The following DCUN1D4 variants were observed in gnomAD, a reference collection of about 807,000 sequenced individuals.
The protein encoded by DCUN1D4 is DCN1-like protein 4.
In DCUN1D4, 22 loss-of-function variants were observed where a neutral mutation model predicts 47.9. That is an observed-to-expected ratio of 0.46 (90% CI 0.33 to 0.66). The LOEUF (loss-of-function observed/expected upper bound fraction) is 0.66, where lower values mean the gene tolerates loss of function less well. Among genes scored for constraint, DCUN1D4 ranks in the 30% least tolerant of loss-of-function variants. DCUN1D4 has a pLI of 0.02. For missense variants in DCUN1D4, 301 were observed against 340.8 expected, an observed-to-expected ratio of 0.88 and a Z score of 0.92; for synonymous variants, 121 against 112.2, an observed-to-expected ratio of 1.08 and a Z score of -0.50.
chr4:51,884,963 AGT>A, intron 5 of DCUN1D4: 1 of 152,208 alleles, frequency 6.6e-6, no homozygotes, highest in East Asian at 1.9e-4. Context: ...GCCACAGGTA[AGT>A]AGGTGTTTCT....
intron 1 of DCUN1D4, chr4:51,845,297 G>A: frequency 3.0e-6 from 3 of 984,852 alleles, no homozygotes; most frequent in Non-Finnish European, 3.6e-6. Flanking sequence ...ATTTCTTGGG[G>A]TGTTTGAAAA....
the DCUN1D4 span, among the ~76,000 whole-genome samples, chr4:51,835,758 G>A: frequency 2.0e-5 from 3 of 152,148 alleles, no homozygotes; most frequent in Non-Finnish European, 4.4e-5. Flanking sequence ...AAGGAAGACT[G>A]TGGGTGGGGG....
rs1725375236 is a variant in DCUN1D4 at position 51,863,374 on chromosome 4, GAGTT to G, written c.26-62_26-59del. On this transcript the variant is annotated intron_variant, in intron 1 of 10. Transcript: ENST00000334635. ...ATATCAAAACATTTGTTTATTTTCT[GAGTT>G]TGTTTTTTTACAATATTGGAAATAA... is the stretch of plus-strand genomic sequence containing the variant. The G allele has an allele frequency of 3.1e-6, 4 of 1,274,854 alleles. No homozygotes were observed. In the Admixed American group the frequency reaches 5.7e-5, roughly 18 times the overall value. 79.0% of individuals were successfully genotyped at this position (1,274,854 alleles called of 1,614,324 possible).
chr4:51,871,750 G>T (rs1011185931), intron 3 of DCUN1D4, among the ~76,000 whole-genome samples: 1 of 152,228 alleles, frequency 6.6e-6, no homozygotes, highest in African/African-American at 2.4e-5. Flanking sequence ...TGCAAGCCCT[G>T]CCCTAGGGCA....
chr4:51,851,557 G>A (rs550823718), intron 1 of DCUN1D4, among the ~76,000 whole-genome samples: 2 of 152,024 alleles, frequency 1.3e-5, no homozygotes, highest in South Asian at 4.2e-4. Flanking sequence ...GGCAGGAGCT[G>A]GTGGCAGGGG....
In DCUN1D4 at chr4:51,899,288, A is replaced by T. The variant is rs566799275; in HGVS notation, c.525A>T (p.Lys175Asn). Residue 175 changes from lysine to asparagine, a missense_variant, in exon 8 of 11, where the codon AAA (lysine) becomes AAT (asparagine). Transcript: ENST00000334635. Reference protein sequence around the residue: ...MTSLQCDTTEKLRNTLDYLRS... With the variant: ...MTSLQCDTTENLRNTLDYLRS... Reference sequence around the variant, plus strand: ...TTTCTAGATGTGATACAACAGAAAAACTCAGAAATACTTTGGATTACTTAA... The same window carrying T: ...TTTCTAGATGTGATACAACAGAAAATCTCAGAAATACTTTGGATTACTTAA... 1.9e-6 allele frequency: 3 copies of T among 1,603,710 alleles called. No individual in the cohort carries two copies. The South Asian group carries it at 3.4e-5, about 18-fold the overall frequency.
intron 8 of DCUN1D4, among the ~76,000 whole-genome samples, chr4:51,906,128 G>A (rs764863285): frequency 1.3e-5 from 2 of 152,132 alleles, no homozygotes; most frequent in African/African-American, 2.4e-5. Flanking sequence ...ACTCAAGTGG[G>A]AATGGCTTTT....
intron 6 of DCUN1D4, among the ~76,000 whole-genome samples, chr4:51,889,678 A>C (rs1013392449): frequency 2.0e-5 from 3 of 152,266 alleles, no homozygotes; most frequent in African/African-American, 7.2e-5. Context: ...GAGAATACCT[A>C]GTTTGCATTA....
At chr4:51,903,966 G>A (rs1489735815) in intron 8 of DCUN1D4, among the ~76,000 whole-genome samples, 1 of 151,366 alleles carries the variant, frequency 6.6e-6, no homozygotes, top group Non-Finnish European at 1.5e-5. Flanking sequence ...TTAATTCTGT[G>A]TCTCTTTCTG....
At chr4:51,842,533 A>C (rs1461060073), upstream of DCUN1D4, among the ~76,000 whole-genome samples, 4 of 152,226 alleles carry the variant, frequency 2.6e-5, no homozygotes. Context: ...GTTTGCTGGA[A>C]ATTAAGACGC....
At chr4:51,877,221 G>A (rs745313692) in intron 4 of DCUN1D4, among the ~76,000 whole-genome samples, 10 of 152,148 alleles carry the variant, frequency 6.6e-5, no homozygotes, top group East Asian at 1.9e-4. Context: ...CCACCCAAGC[G>A]ACATTGTCTT....
chr4:51,913,688 G>GT lies in DCUN1D4; in HGVS notation c.*107dup, dbSNP rs1413585059. The GT allele has an allele frequency of 7.6e-6, 8 of 1,054,282 alleles. No homozygotes were observed. In the African/African-American group the frequency reaches 1.3e-4, roughly 17 times the overall value. 65.3% of individuals were successfully genotyped at this position (1,054,282 alleles called of 1,614,324 possible). A position where few individuals can be genotyped will look rare whatever the true frequency, so the allele number is the denominator to read the frequency against. ...AAGCGCATGCTGCTTCTCTTGCACT[G>GT]TTTCCCTTTCGCAGGGACATGTTGG... On this transcript the variant is annotated 3_prime_UTR_variant, in exon 11 of 11. Transcript: ENST00000334635.
intron 8 of DCUN1D4, among the ~76,000 whole-genome samples, chr4:51,902,171 A>G (rs951559898): frequency 6.6e-6 from 1 of 152,132 alleles, no homozygotes; most frequent in Non-Finnish European, 1.5e-5. Context: ...ATTTTTATCT[A>G]TTTGATTTAT....
chr4:51,901,220 C>T (rs941407810), intron 8 of DCUN1D4, among the ~76,000 whole-genome samples: 9 of 152,170 alleles, frequency 5.9e-5, no homozygotes, highest in South Asian at 2.1e-4. Context: ...TTTATATCGA[C>T]CCAGCACTTC....
intron 10 of DCUN1D4, 62 bp from the exon 11 acceptor site, chr4:51,913,467 A>G: frequency 1.3e-6 from 2 of 1,565,352 alleles, no homozygotes; most frequent in Non-Finnish European, 8.7e-7. Context: ...CCTCAGCTAC[A>G]TTACTATTAT....
At chr4:51,844,751 A>T in intron 1 of DCUN1D4, 1 of 845,288 alleles carries the variant, frequency 1.2e-6, no homozygotes, top group Non-Finnish European at 1.4e-6. Flanking sequence ...ACGGGTATGA[A>T]GGGGAAAGGC....
intron 7 of DCUN1D4, 31 bp downstream of exon 7, chr4:51,891,882 C>A: frequency 6.5e-7 from 1 of 1,537,814 alleles, no homozygotes; most frequent in Non-Finnish European, 8.9e-7. Flanking sequence ...GTGGGGGTCC[C>A]TGCCCTTCCC....
chr4:51,899,494 A>G (rs1578024917), intron 8 of DCUN1D4, 116 bp downstream of exon 8: 3 of 1,473,562 alleles, frequency 2.0e-6, no homozygotes, highest in East Asian at 5.3e-5. Flanking sequence ...GTTAACTCCC[A>G]GGATGCTAGT....
chr4:51,883,614 G>A (rs1408435834), intron 5 of DCUN1D4, among the ~76,000 whole-genome samples: 1 of 152,218 alleles, frequency 6.6e-6, no homozygotes, highest in African/African-American at 2.4e-5. Context: ...AAGAAACGAG[G>A]AGTGTAAATA....
Sources: allele counts gnomAD v4.1 joint callset (sites outside exome capture counted in the v4.1 genomes callset), GRCh38; gene constraint gnomAD v4.1.1; transcripts MANE v1.5; gene names NCBI Gene and HGNC (gene_info 2026-07-23, HGNC 2026-07-21).